The following RIC8B variants were observed in gnomAD, a reference collection of about 807,000 sequenced individuals.
The protein encoded by RIC8B is chaperone Ric-8B.
Under a neutral mutation model 57.5 loss-of-function variants are expected in RIC8B, and 16 were observed. That is an observed-to-expected ratio of 0.28 (90% CI 0.19 to 0.42). The LOEUF is 0.42. Ranked by LOEUF, RIC8B falls within the 10% of genes least tolerant of loss-of-function variation. The pLI, the probability that RIC8B is intolerant of heterozygous loss-of-function variation, is 1.00. For synonymous variants in RIC8B, 216 were observed against 250.8 expected (o/e 0.86, Z 1.31); for missense variants, 481 against 677.0 (o/e 0.71, Z 3.21).
intron 8 of RIC8B, among the ~76,000 whole-genome samples, chr12:106,863,528 A>T (rs565606791): frequency 1.3e-5 from 2 of 151,972 alleles, no homozygotes; most frequent in African/African-American, 2.4e-5. Flanking sequence ...TTGTCTCATT[A>T]TATTGGGCTT....
intron 8 of RIC8B, among the ~76,000 whole-genome samples, chr12:106,865,450 C>G (rs925171426): frequency 1.3e-5 from 2 of 152,030 alleles, no homozygotes; most frequent in Non-Finnish European, 2.9e-5. Context: ...TTGATATAAC[C>G]AAAACAGAAA....
chr12:106,809,996 A>T (rs547449662), intron 2 of RIC8B, among the ~76,000 whole-genome samples: 8 of 152,068 alleles, frequency 5.3e-5, no homozygotes, highest in Non-Finnish European at 7.4e-5. Flanking sequence ...AGCCACTTCT[A>T]CTATCACTTC....
intron 9 of RIC8B, among the ~76,000 whole-genome samples, chr12:106,882,874 T>C (rs571508182): frequency 1.4e-4 from 21 of 152,130 alleles, no homozygotes; most frequent in Non-Finnish European, 2.6e-4. Context: ...TGCTTGAGAA[T>C]AGTTCACAAG....
chr12:106,846,848 A>C (rs1008607522), intron 6 of RIC8B, among the ~76,000 whole-genome samples: 3 of 152,176 alleles, frequency 2.0e-5, no homozygotes, highest in Non-Finnish European at 4.4e-5. Flanking sequence ...CAGTAGAGGT[A>C]TGGAGATGAA....
chr12:106,830,094 T>C (rs899939435), intron 4 of RIC8B, among the ~76,000 whole-genome samples: 2 of 152,226 alleles, frequency 1.3e-5, no homozygotes, highest in African/African-American at 4.8e-5. Context: ...TATAGTAAGT[T>C]TTGAAATGAG....
At chr12:106,804,402 A>G (rs185488458) in intron 2 of RIC8B, among the ~76,000 whole-genome samples, 46 of 152,174 alleles carry the variant, frequency 3.0e-4, no homozygotes, top group African/African-American at 1.1e-3. Flanking sequence ...TTTAGTAGAC[A>G]TGGGGTTTCA....
chr12:106,847,316 T>G (rs532327306), intron 6 of RIC8B, among the ~76,000 whole-genome samples: 1 of 152,312 alleles, frequency 6.6e-6, no homozygotes, highest in East Asian at 1.9e-4. Context: ...AAATTTGTTT[T>G]AAGGAACCAA....
chr12:106,775,019 C>T (rs1200487154), intron 1 of RIC8B, 190 bp downstream of exon 1: 1 of 577,210 alleles, frequency 1.7e-6, no homozygotes, highest in Non-Finnish European at 3.1e-6. Flanking sequence ...TCCCACTACC[C>T]CCACTGTAGC....
chr12:106,851,681 A>T, intron 7 of RIC8B, 87 bp downstream of exon 7: 1 of 1,150,004 alleles, frequency 8.7e-7, no homozygotes, highest in South Asian at 1.5e-5. Context: ...TGGTCGTCTC[A>T]TTCCATTCTT....
rs545622946 is a variant in RIC8B, at chr12:106,780,843, A to G, written c.85-3154A>G. ...CAGATGCCACACCATAGGTTATTCA[A>G]CAATAACAGTAGTGGCCATTGAACA... On this transcript the variant is annotated intron_variant, in intron 1 of 9. Transcript: ENST00000392837. Among the ~76,000 whole-genome samples, 3 of 152,358 alleles carry G rather than the reference A, an allele frequency of 2.0e-5. No homozygotes were observed. In the South Asian group the frequency reaches 6.2e-4, roughly 32 times the overall value.
At chr12:106,878,069 A>G (rs948728168) in intron 9 of RIC8B, among the ~76,000 whole-genome samples, 5 of 152,138 alleles carry the variant, frequency 3.3e-5, no homozygotes, top group African/African-American at 9.7e-5. Flanking sequence ...CCAAAGCACA[A>G]TGATGAGGGC....
At chr12:106,884,194 A>T (rs1439469713) in intron 9 of RIC8B, among the ~76,000 whole-genome samples, 1 of 152,136 alleles carries the variant, frequency 6.6e-6, no homozygotes, top group Non-Finnish European at 1.5e-5. Flanking sequence ...CTTTGTTCAT[A>T]ATTCTCTTAC....
intron 4 of RIC8B, among the ~76,000 whole-genome samples, chr12:106,829,662 A>G (rs7959520): frequency 0.11 from 17,491 of 152,114 alleles, 1,143 homozygotes; most frequent in Middle Eastern, 0.16. Context: ...AAAATTTGCT[A>G]TCTTTTAAGT....
intron 2 of RIC8B, among the ~76,000 whole-genome samples, chr12:106,792,105 T>C (rs530431601): frequency 3.5e-4 from 53 of 152,346 alleles, no homozygotes; most frequent in Admixed American, 2.5e-3. Context: ...TTCATCTCTT[T>C]AAAATAATTG....
intron 2 of RIC8B, among the ~76,000 whole-genome samples, chr12:106,789,687 A>G (rs2136189385): frequency 6.6e-6 from 1 of 152,290 alleles, no homozygotes; most frequent in East Asian, 1.9e-4. Context: ...GCCTCCCACA[A>G]CATACGGGAA....
In RIC8B at chr12:106,889,015, C is replaced by T. The variant is rs1283217729; in HGVS notation, c.*3000C>T. On this transcript the variant is annotated 3_prime_UTR_variant, in exon 10 of 10. Coordinates refer to ENST00000392837, the MANE Select transcript of RIC8B (RefSeq NM_001330145.2). ...CCTTAGTGCCACATCAGTCTCGCCA[C>T]CTCCCAGGACTAGGTGTCACCTGTA... 6.6e-6 allele frequency: 1 copy of T among 152,116 alleles called. No homozygotes were observed. The highest frequency in any genetic ancestry group is 1.5e-5 in the Non-Finnish European group (1 of 68,044). The allele number at this position is 152,116 out of a possible 1,614,324, so 9.4% of individuals were successfully genotyped here.
intron 2 of RIC8B, among the ~76,000 whole-genome samples, chr12:106,800,606 T>C (rs2044689595): frequency 6.6e-6 from 1 of 152,164 alleles, no homozygotes; most frequent in Non-Finnish European, 1.5e-5. Flanking sequence ...CTTTAACATA[T>C]GAATCTGGGG....
chr12:106,776,731 G>C (rs1316447571), intron 1 of RIC8B, among the ~76,000 whole-genome samples: 1 of 152,152 alleles, frequency 6.6e-6, no homozygotes, highest in Non-Finnish European at 1.5e-5. Context: ...ATGTTTTTAA[G>C]GTTGTTTTGC....
At chr12:106,811,700 T>G (rs1304555889) in intron 2 of RIC8B, among the ~76,000 whole-genome samples, 1 of 152,148 alleles carries the variant, frequency 6.6e-6, no homozygotes, top group Admixed American at 6.5e-5. Context: ...TGTGTTTGCA[T>G]TGTGTGTATC....
Sources: allele counts gnomAD v4.1 joint callset (sites outside exome capture counted in the v4.1 genomes callset), GRCh38; gene constraint gnomAD v4.1.1; transcripts MANE v1.5; gene names NCBI Gene and HGNC (gene_info 2026-07-23, HGNC 2026-07-21).